OR6P1: variants seen among roughly 807,000 people sequenced by gnomAD.
OR6P1 encodes the protein olfactory receptor family 6 subfamily P member 1, also known as olfactory receptor 6P1.
Under a neutral mutation model 6.6 loss-of-function variants are expected in OR6P1, and 5 were observed. The observed-to-expected ratio is 0.76, with a 90% CI of 0.40 to 1.60. The LOEUF is 1.60. OR6P1 is among the 40% of genes most tolerant of loss of function. OR6P1 has a pLI of 0.02. For synonymous variants in OR6P1, 177 were observed against 149.6 expected, an observed-to-expected ratio of 1.18 and a Z score of -1.33; for missense variants, 451 against 383.0, an observed-to-expected ratio of 1.18 and a Z score of -1.48.
chr1:158,563,621 G>GAGTGCCTAAAATAAATCACAGGAAGAACA lies in OR6P1; in HGVS notation c.-22-24_-18dup. On this transcript the variant is annotated 5_prime_UTR_variant, in exon 3 of 3. Transcript: ENST00000641540. Reference sequence around the variant, plus strand: ...ATTTCTCATGGCTCTCTGTCCACTTGAGTGCCTAAAATAAATCACAGGAAG... The same window carrying GAGTGCCTAAAATAAATCACAGGAAGAACA: ...ATTTCTCATGGCTCTCTGTCCACTTGAGTGCCTAAAATAAATCACAGGAAGAACAAGTGCCTAAAATAAATCACAGGAAG... 6.8e-7 allele frequency: 1 copy of GAGTGCCTAAAATAAATCACAGGAAGAACA among 1,464,760 alleles called. No homozygotes were observed. The highest frequency in any genetic ancestry group is 9.2e-7 in the Non-Finnish European group (1 of 1,086,798). The allele number at this position is 1,464,760 out of a possible 1,614,324, so 90.7% of individuals were successfully genotyped here.
chr1:158,569,400 T>C (rs1471068041), intron 1 of OR6P1, among the ~76,000 whole-genome samples: 1 of 152,234 alleles, frequency 6.6e-6, no homozygotes, highest in Non-Finnish European at 1.5e-5. Flanking sequence ...CAAGCCTTCA[T>C]CTGGAGACAC....
At chr1:158,569,385 C>A (rs751455545) in intron 1 of OR6P1, among the ~76,000 whole-genome samples, 1 of 152,190 alleles carries the variant, frequency 6.6e-6, no homozygotes, top group Non-Finnish European at 1.5e-5. Context: ...CTATGGGAAG[C>A]AACACAAGCC....
Position 158,562,855 on chromosome 1 carries a change from G to C in OR6P1, c.750C>G (p.Ile250Met), listed in dbSNP as rs530082510. The stretch of plus-strand genomic sequence containing the variant: ...AGGTGAAGAGAGTGGAGGAGTAGTA[G>C]ATAACAACCACTGCCAGATGAGCGG... ...TCAAHLAVVV[I>M]YYSSTLFTYA... Residue 250 changes from isoleucine (I) to methionine (M), a missense_variant, in exon 3 of 3, where the codon ATC (isoleucine) becomes ATG (methionine). Ile to Met is a conservative substitution (Grantham distance 10). Transcript: ENST00000641540. 5.2e-6 allele frequency: 8 copies of C among 1,552,032 alleles called. No homozygotes were observed. The South Asian group carries it at 8.3e-5, about 16-fold the overall frequency.
intron 1 of OR6P1, among the ~76,000 whole-genome samples, chr1:158,569,061 C>T (rs114080783): frequency 0.014 from 2,158 of 152,196 alleles, 68 homozygotes; most frequent in African/African-American, 0.05. Flanking sequence ...GAATGTCGAA[C>T]CTGTTTTATT....
At chr1:158,563,679 C>T (rs1037503403) in intron 2 of OR6P1, 53 bp from the exon 3 acceptor site, 3 of 859,990 alleles carry the variant, frequency 3.5e-6, no homozygotes, top group Non-Finnish European at 5.5e-6. Context: ...TGCAACAAAC[C>T]ACCAACATAC....
Position 158,563,281 on chromosome 1 carries a change from G to T in OR6P1, c.324C>A (p.Ala108=). 2 of 1,551,638 alleles carry T rather than the reference G, an allele frequency of 1.3e-6. No individual in the cohort carries two copies. Among genetic ancestry groups the T allele is most frequent in the Non-Finnish European group, 1.7e-6 (2 of 1,146,990 alleles). Residue 108 remains alanine, a synonymous_variant, in exon 3 of 3, where the codon GCC becomes GCA. Transcript: ENST00000641540. The part of the protein sequence containing the change: ...MTQLYFFIAL[A]CTECVLLAVM... ...CTGCCAACAGCACACATTCAGTACA[G>T]GCTAAGGCAATAAAGAAGTACAGTT...
At chr1:158,565,780 C>G (rs908242723) in intron 2 of OR6P1, among the ~76,000 whole-genome samples, 2 of 152,228 alleles carry the variant, frequency 1.3e-5, no homozygotes, top group African/African-American at 4.8e-5. Flanking sequence ...GGTGTAAACA[C>G]TAAGCAAACT....
chr1:158,562,837 G>C lies in OR6P1; in HGVS notation c.768C>G (p.Leu256=). Residue 256 remains leucine, a synonymous_variant, in exon 3 of 3, where the codon CTC becomes CTG. Transcript: ENST00000641540. ...TGGCCCGGGGCCGTGCATAGGTGAA[G>C]AGAGTGGAGGAGTAGTAGATAACAA... The part of the protein sequence containing the change: ...AVVVIYYSST[L]FTYARPRAMY... The C allele has an allele frequency of 6.4e-7, 1 of 1,552,046 alleles. No individual in the cohort carries two copies. The highest frequency in any genetic ancestry group is 8.7e-7 in the Non-Finnish European group (1 of 1,147,084).
rs1031652014 is a variant in OR6P1, at chr1:158,562,839, G to A, written c.766C>T (p.Leu256Phe). 9.0e-6 allele frequency: 14 copies of A among 1,551,930 alleles called. No homozygotes were observed. The highest frequency in any genetic ancestry group is 1.2e-5 in the Non-Finnish European group (14 of 1,147,088). The change falls in exon 3 of 3, where the codon CTC (leucine) becomes TTC (phenylalanine). Residue 256 changes from leucine (L) to phenylalanine (F), a missense_variant. Leu to Phe is a conservative substitution (Grantham distance 22). Transcript: ENST00000641540. ...AVVVIYYSST[L>F]FTYARPRAMY... Reference sequence around the variant, plus strand: ...GCCCGGGGCCGTGCATAGGTGAAGAGAGTGGAGGAGTAGTAGATAACAACC... The same window carrying A: ...GCCCGGGGCCGTGCATAGGTGAAGAAAGTGGAGGAGTAGTAGATAACAACC...
In OR6P1 at chr1:158,561,435, CAT is replaced by C. The variant is rs1378459131; in HGVS notation, c.*1214_*1215del. On this transcript the variant is annotated 3_prime_UTR_variant, in exon 3 of 3. Coordinates refer to ENST00000641540, the MANE Select transcript of OR6P1 (RefSeq NM_001160325.2). The stretch of plus-strand genomic sequence containing the variant: ...ATAAAGTAGCTTGCATTGATGGACA[CAT>C]GTCTTTTTCTCCCTCAAAATCTGTC... 3.3e-5 allele frequency: 5 copies of C among 152,108 alleles called. No individual in the cohort carries two copies. Among genetic ancestry groups the C allele is most frequent in the African/African-American group, 9.7e-5 (4 of 41,424 alleles). 9.4% of individuals were successfully genotyped at this position (152,108 alleles called of 1,614,324 possible).
intron 1 of OR6P1, among the ~76,000 whole-genome samples, chr1:158,567,258 C>T (rs1422443254): frequency 5.3e-5 from 8 of 151,878 alleles, no homozygotes; most frequent in African/African-American, 1.2e-4. Flanking sequence ...GATCTAGAAC[C>T]AGAAATACCA....
Position 158,562,587 on chromosome 1 carries a change from T to C in OR6P1, c.*64A>G. The C allele has an allele frequency of 2.2e-6, 2 of 904,754 alleles. No homozygotes were observed. The highest frequency in any genetic ancestry group is 2.6e-4 in the Middle Eastern group (1 of 3,894). The allele number at this position is 904,754 out of a possible 1,614,324, so 56.0% of individuals were successfully genotyped here. A position where few individuals can be genotyped will look rare whatever the true frequency, so the allele number is the denominator to read the frequency against. ...ATTTATGTTCCCTTAAAGCCTATTCTGATTCCTTGAGGAGGCCCTATTAAG... is the reference window on the plus strand; with the variant it reads ...ATTTATGTTCCCTTAAAGCCTATTCCGATTCCTTGAGGAGGCCCTATTAAG... On this transcript the variant is annotated 3_prime_UTR_variant, in exon 3 of 3. Transcript: ENST00000641540.
chr1:158,561,120 G>T lies in OR6P1; in HGVS notation c.*1531C>A, dbSNP rs1019228492. ...AGGGTATTATTTTTATTATCAAAGA[G>T]AAACTAAGAGCAGAGATGTAAAGTT... is the stretch of plus-strand genomic sequence containing the variant. On this transcript the variant is annotated 3_prime_UTR_variant, in exon 3 of 3. Transcript: ENST00000641540. The T allele has an allele frequency of 6.6e-6, 1 of 152,116 alleles. No individual in the cohort carries two copies. The highest frequency in any genetic ancestry group is 2.1e-4 in the South Asian group (1 of 4,824). The allele number at this position is 152,116 out of a possible 1,614,324, so 9.4% of individuals were successfully genotyped here.
intron 2 of OR6P1, 61 bp from the exon 3 acceptor site, chr1:158,563,687 T>C (rs1323502083): frequency 7.3e-6 from 6 of 816,902 alleles, no homozygotes; most frequent in African/African-American, 3.5e-5. Flanking sequence ...ACCACCAACA[T>C]ACTCTCACAG....
Position 158,562,902 on chromosome 1 carries a change from G to A in OR6P1, c.703C>T (p.His235Tyr). The A allele has an allele frequency of 6.4e-7, 1 of 1,551,964 alleles. No individual in the cohort carries two copies. The highest frequency in any genetic ancestry group is 8.7e-7 in the Non-Finnish European group (1 of 1,147,062). Residue 235 changes from histidine (H) to tyrosine (Y), a missense_variant, in exon 3 of 3, where the codon CAC becomes TAC. His to Tyr is a moderately conservative substitution (Grantham distance 83, BLOSUM62 2). Transcript: ENST00000641540. ...ILRIPTSRGR[H>Y]KAFSTCAAHL... is the part of the protein sequence containing the mutation. ...GCGGCACAAGTGGAAAAGGCTTTGT[G>A]GCGTCCCCTGGACGTAGGGATCCTC...
chr1:158,562,651 T>A lies in OR6P1; in HGVS notation c.954A>T (p.Ter318CysextTer29). 6.5e-7 allele frequency: 1 copy of A among 1,534,046 alleles called. No homozygotes were observed. Among genetic ancestry groups the A allele is most frequent in the South Asian group, 1.2e-5 (1 of 83,726 alleles). The change falls in exon 3 of 3, where the codon TGA becomes TGT. Residue 318 changes from the stop codon to cysteine, a stop_lost. Coordinates refer to ENST00000641540, the MANE Select transcript of OR6P1 (RefSeq NM_001160325.2). Reference protein sequence around the residue: ...RCHYPRDVQD* With the variant: ...RCHYPRDVQDC ...CACCTCTCCCAAGACCTGTTGTATATCAGTCCTGAACATCCCTAGGATAGT... is the reference window on the plus strand; with the variant it reads ...CACCTCTCCCAAGACCTGTTGTATAACAGTCCTGAACATCCCTAGGATAGT...
rs1193329735 is a variant in OR6P1 at position 158,561,582 on chromosome 1, T to C, written c.*1069A>G. 6.6e-6 allele frequency: 1 copy of C among 152,236 alleles called. No homozygotes were observed. The highest frequency in any genetic ancestry group is 1.5e-5 in the Non-Finnish European group (1 of 68,026). 9.4% of individuals were successfully genotyped at this position (152,236 alleles called of 1,614,324 possible). On this transcript the variant is annotated 3_prime_UTR_variant, in exon 3 of 3. Coordinates refer to ENST00000641540, the MANE Select transcript of OR6P1 (RefSeq NM_001160325.2). ...CACATATCCCACATCTAAATAATCATTGAATTTGGTTCAATATGCAGAAAT... is the reference window on the plus strand; with the variant it reads ...CACATATCCCACATCTAAATAATCACTGAATTTGGTTCAATATGCAGAAAT...
chr1:158,563,742 A>G, intron 2 of OR6P1, 116 bp from the exon 3 acceptor site: 1 of 595,464 alleles, frequency 1.7e-6, no homozygotes, highest in Non-Finnish European at 2.8e-6. Flanking sequence ...TTATTATAAC[A>G]TTTTTCCTCT....
rs1648026929 is a variant in OR6P1 at position 158,563,590 on chromosome 1, A to G, written c.15T>C (p.Ser5=). Residue 5 remains serine (S), a synonymous_variant, in exon 3 of 3, where the codon AGT becomes AGC. Coordinates refer to ENST00000641540, the MANE Select transcript of OR6P1 (RefSeq NM_001160325.2). MRNL[S]GGHVEEFVLV... ...AGACAAACTCCTCGACATGGCCTCC[A>G]CTCAAATTTCTCATGGCTCTCTGTC... 3.2e-6 allele frequency: 5 copies of G among 1,540,228 alleles called. No homozygotes were observed. The highest frequency in any genetic ancestry group is 2.8e-5 in the African/African-American group (2 of 71,852).
Sources: allele counts gnomAD v4.1 joint callset (sites outside exome capture counted in the v4.1 genomes callset), GRCh38; gene constraint gnomAD v4.1.1; transcripts MANE v1.5; gene names NCBI Gene and HGNC (gene_info 2026-07-23, HGNC 2026-07-21).